XPR1: variants seen among roughly 807,000 people sequenced by gnomAD.
The protein encoded by XPR1 is solute carrier family 53 member 1.
XPR1 carries 28 observed loss-of-function variants against 87.5 expected under a neutral mutation model. The observed-to-expected ratio is 0.32, with a 90% CI of 0.24 to 0.44. The LOEUF is 0.44. Ranked by LOEUF, XPR1 falls within the 20% of genes least tolerant of loss-of-function variation. The pLI is 1.00. For synonymous variants in XPR1, 300 were observed against 306.1 expected (o/e 0.98, Z 0.21); for missense variants, 559 against 862.3 (o/e 0.65, Z 4.41).
intron 2 of XPR1, among the ~76,000 whole-genome samples, chr1:180,703,945 T>C (rs1321162884): frequency 6.6e-6 from 1 of 152,132 alleles, no homozygotes; most frequent in Admixed American, 6.5e-5. Context: ...AAATTCTGTT[T>C]GTTAGAGCTA....
chr1:180,663,553 C>T (rs997483118), intron 1 of XPR1, among the ~76,000 whole-genome samples: 6 of 152,180 alleles, frequency 3.9e-5, no homozygotes, highest in Non-Finnish European at 5.9e-5. Flanking sequence ...TCAAGCACCC[C>T]TTGGGCCACC....
At chr1:180,811,076 A>AT (rs1650194029) in intron 6 of XPR1, among the ~76,000 whole-genome samples, 1 of 151,852 alleles carries the variant, frequency 6.6e-6, no homozygotes. Context: ...TTGTTTTGTT[A>AT]TTTTTTACTG....
intron 1 of XPR1, among the ~76,000 whole-genome samples, chr1:180,676,457 A>AT (rs1038913207): frequency 6.6e-6 from 1 of 151,974 alleles, no homozygotes; most frequent in African/African-American, 2.4e-5. Context: ...TTCTCGTTAC[A>AT]TTTTTCTGGT....
chr1:180,804,177 G>C (rs952965732), intron 4 of XPR1, among the ~76,000 whole-genome samples: 1 of 151,996 alleles, frequency 6.6e-6, no homozygotes, highest in Non-Finnish European at 1.5e-5. Flanking sequence ...GTAGAGATGG[G>C]GTTTTACCAT....
chr1:180,861,851 A>G lies in XPR1; in HGVS notation c.1502-1857A>G, dbSNP rs899831544. On this transcript the variant is annotated intron_variant, in intron 11 of 14. Coordinates refer to ENST00000367590, the MANE Select transcript of XPR1 (RefSeq NM_004736.4). ...GGTGTAAATACTTCCACTATAGCCA[A>G]TTTCAAGCTACTAAGATGATAACAC... 4.3e-4 allele frequency among the ~76,000 whole-genome samples: 65 copies of G among 152,092 alleles called. 3 individuals carry two copies. The highest frequency in any genetic ancestry group is 2.9e-5 in the Non-Finnish European group (2 of 67,976).
intron 2 of XPR1, among the ~76,000 whole-genome samples, chr1:180,761,621 A>G (rs921134391): frequency 2.6e-5 from 4 of 152,222 alleles, no homozygotes; most frequent in Non-Finnish European, 1.5e-5. Context: ...TCAGGAAACA[A>G]CAGGTGCTGG....
rs556449732 is a variant in XPR1, at chr1:180,858,839, A to G, written c.1502-4869A>G. ...GAGGGATTAATATATGTGATCTCACATGTAACTAAAACACACTAAAGATCG... is the reference window on the plus strand; with the variant it reads ...GAGGGATTAATATATGTGATCTCACGTGTAACTAAAACACACTAAAGATCG... On this transcript the variant is annotated intron_variant, in intron 11 of 14. Coordinates refer to ENST00000367590, the MANE Select transcript of XPR1 (RefSeq NM_004736.4). Among the ~76,000 whole-genome samples the G allele has an allele frequency of 5.3e-5, 8 of 152,354 alleles. No individual in the cohort carries two copies. In the South Asian group the frequency reaches 1.7e-3, roughly 32 times the overall value.
At position 180,655,056 on chromosome 1, in the gene XPR1, A is replaced by C. The variant is rs79096417; in HGVS notation, c.69+22786A>C. On this transcript the variant is annotated intron_variant, in intron 1 of 14. Transcript: ENST00000367590. ...CATTTTACATTTCCACCAACAGTGC[A>C]CAATTTCTCCACCTTTTTGCCAACA... is the stretch of plus-strand genomic sequence containing the variant. 2.9e-4 allele frequency among the ~76,000 whole-genome samples: 44 copies of C among 152,270 alleles called. No homozygotes were observed. The East Asian group carries it at 6.9e-3, about 24-fold the overall frequency.
chr1:180,762,023 A>G (rs1379646927), intron 2 of XPR1, among the ~76,000 whole-genome samples: 1 of 151,582 alleles, frequency 6.6e-6, no homozygotes, highest in African/African-American at 2.4e-5. Flanking sequence ...TCGCAAGGAC[A>G]AAAAACCAAA....
At chr1:180,704,271 T>A (rs1571744602) in intron 2 of XPR1, among the ~76,000 whole-genome samples, 1 of 141,286 alleles carries the variant, frequency 7.1e-6, no homozygotes, top group Non-Finnish European at 1.5e-5. Context: ...TATATATATA[T>A]ATATATTATC....
chr1:180,647,462 C>T lies in XPR1; in HGVS notation c.69+15192C>T, dbSNP rs1022194163. 5.3e-5 allele frequency among the ~76,000 whole-genome samples: 8 copies of T among 152,188 alleles called. No individual in the cohort carries two copies. The South Asian group carries it at 1.4e-3, about 28-fold the overall frequency. On this transcript the variant is annotated intron_variant, in intron 1 of 14. Transcript: ENST00000367590. ...ATATGTGGTCTGTTGTTGACCAAAACGTCGTTATGCTGTGCATGACTATTT... is the reference window on the plus strand; with the variant it reads ...ATATGTGGTCTGTTGTTGACCAAAATGTCGTTATGCTGTGCATGACTATTT...
chr1:180,839,952 G>A (rs894291678), intron 11 of XPR1, among the ~76,000 whole-genome samples: 5 of 151,464 alleles, frequency 3.3e-5, no homozygotes, highest in African/African-American at 9.7e-5. Flanking sequence ...GGCCGGGCGC[G>A]GTGGCTCACG....
At chr1:180,823,563 G>T (rs1014363890) in intron 7 of XPR1, among the ~76,000 whole-genome samples, 1 of 152,126 alleles carries the variant, frequency 6.6e-6, no homozygotes, top group Non-Finnish European at 1.5e-5. Context: ...ATATTTTAGG[G>T]GTGCTGCGAG....
chr1:180,684,260 A>G (rs1363808494), intron 2 of XPR1, among the ~76,000 whole-genome samples: 2 of 152,186 alleles, frequency 1.3e-5, no homozygotes, highest in Admixed American at 1.3e-4. Flanking sequence ...CAGGTTTGTC[A>G]AAGATCAGAT....
intron 1 of XPR1, among the ~76,000 whole-genome samples, chr1:180,656,409 ATATT>A (rs1557941266): frequency 5.2e-5 from 2 of 38,494 alleles, no homozygotes; most frequent in African/African-American, 2.5e-4. Flanking sequence ...AAATATTTAT[ATATT>A]TATATATAAA....
At chr1:180,641,429 T>C (rs543181018) in intron 1 of XPR1, among the ~76,000 whole-genome samples, 51 of 152,292 alleles carry the variant, frequency 3.3e-4, no homozygotes, top group African/African-American at 1.2e-3. Flanking sequence ...GCTTTGTTGA[T>C]TTTTTGCTAA....
intron 2 of XPR1, among the ~76,000 whole-genome samples, chr1:180,739,213 G>C (rs1464214443): frequency 6.6e-6 from 1 of 152,150 alleles, no homozygotes. Context: ...TTTCTGGACT[G>C]TCTATTCTGT....
intron 13 of XPR1, chr1:180,878,167 T>C (rs1652720711): frequency 6.6e-6 from 1 of 152,222 alleles, no homozygotes; most frequent in Non-Finnish European, 1.5e-5. Context: ...GTGTGCTACT[T>C]CATCAATTTT....
At chr1:180,834,739 C>G in intron 9 of XPR1, 135 bp from the exon 10 acceptor site, 7 of 957,808 alleles carry the variant, frequency 7.3e-6, no homozygotes, top group Non-Finnish European at 8.9e-6. Flanking sequence ...GTTGCCAGGT[C>G]TCTGTATTTA....
Sources: allele counts gnomAD v4.1 joint callset (sites outside exome capture counted in the v4.1 genomes callset), GRCh38; gene constraint gnomAD v4.1.1; transcripts MANE v1.5; gene names NCBI Gene and HGNC (gene_info 2026-07-23, HGNC 2026-07-21).